Variants in MAN1A1 observed in about 807,000 individuals in gnomAD.
MAN1A1 encodes the protein mannosidase alpha class 1A member 1.
MAN1A1 carries 29 observed loss-of-function variants against 70.8 expected under a neutral mutation model. The observed-to-expected ratio is 0.41, with a 90% CI of 0.31 to 0.56. The LOEUF is 0.56. Ranked by LOEUF, MAN1A1 falls within the 20% of genes least tolerant of loss-of-function variation. The pLI is 0.29. For missense variants in MAN1A1, 747 were observed against 841.3 expected, an observed-to-expected ratio of 0.89 and a Z score of 1.39; for synonymous variants, 349 against 330.1, an observed-to-expected ratio of 1.06 and a Z score of -0.62.
intron 6 of MAN1A1, among the ~76,000 whole-genome samples, chr6:119,216,667 A>G (rs1201240628): frequency 1.3e-5 from 2 of 152,208 alleles, no homozygotes; most frequent in African/African-American, 4.8e-5. Context: ...AATTTGTTCA[A>G]TTTGAGGAAC....
intron 2 of MAN1A1, among the ~76,000 whole-genome samples, chr6:119,341,569 A>T (rs977269646): frequency 6.6e-6 from 1 of 152,132 alleles, no homozygotes; most frequent in Admixed American, 6.5e-5. Context: ...AATCCTAATA[A>T]ATCTAAATTC....
At position 119,189,653 on chromosome 6, in the gene MAN1A1, C is replaced by G; in HGVS notation, c.1546+11G>C. 6.2e-7 allele frequency: 1 copy of G among 1,612,260 alleles called. No homozygotes were observed. Among genetic ancestry groups the G allele is most frequent in the Non-Finnish European group, 8.5e-7 (1 of 1,178,408 alleles). On this transcript the variant is annotated intron_variant, in intron 10 of 12. Coordinates refer to ENST00000368468, the MANE Select transcript of MAN1A1 (RefSeq NM_005907.4). Reference sequence around the variant, plus strand: ...GGAATAGACCATAAATGAAGAATAACATGTACTCACATGTTCGATTATATG... The same window carrying G: ...GGAATAGACCATAAATGAAGAATAAGATGTACTCACATGTTCGATTATATG...
chr6:119,236,133 TA>T (rs367861780), intron 6 of MAN1A1, among the ~76,000 whole-genome samples: 4,067 of 136,912 alleles, frequency 0.03, 80 homozygotes, highest in Non-Finnish European at 0.046. Context: ...AGACTCCGTC[TA>T]AAAAAAAAAA....
At chr6:119,187,879 T>C (rs1484943808) in intron 11 of MAN1A1, among the ~76,000 whole-genome samples, 1 of 152,278 alleles carries the variant, frequency 6.6e-6, no homozygotes, top group East Asian at 1.9e-4. Flanking sequence ...AACAACACAC[T>C]GGGCAGATGG....
intron 11 of MAN1A1, among the ~76,000 whole-genome samples, chr6:119,185,830 A>G (rs2005984): frequency 3.4e-5 from 5 of 148,728 alleles, no homozygotes; most frequent in East Asian, 2.0e-4. Context: ...TGATCCACCC[A>G]CTTTGGCCTC....
intron 7 of MAN1A1, among the ~76,000 whole-genome samples, chr6:119,204,182 CTCACTGG>C (rs1773795932): frequency 6.6e-6 from 1 of 152,142 alleles, no homozygotes; most frequent in South Asian, 2.1e-4. Flanking sequence ...CACTGTTGTG[CTCACTGG>C]TCACTGTGAC....
chr6:119,297,086 T>C (rs1355729961), intron 4 of MAN1A1, among the ~76,000 whole-genome samples: 3 of 152,236 alleles, frequency 2.0e-5, no homozygotes, highest in Non-Finnish European at 4.4e-5. Context: ...AATAATGTTT[T>C]AAGTGCCAGT....
intron 6 of MAN1A1, among the ~76,000 whole-genome samples, chr6:119,233,884 CA>C (rs1253195336): frequency 6.6e-6 from 1 of 152,184 alleles, no homozygotes; most frequent in Admixed American, 6.5e-5. Context: ...TTTTAAAATC[CA>C]AAACCTTTGC....
intron 6 of MAN1A1, among the ~76,000 whole-genome samples, chr6:119,239,696 T>G (rs952404212): frequency 3.9e-5 from 6 of 152,204 alleles, no homozygotes; most frequent in African/African-American, 1.4e-4. Context: ...ATTTGAAAGG[T>G]TTGTCCCACA....
chr6:119,229,475 A>G (rs1774615021), intron 6 of MAN1A1, among the ~76,000 whole-genome samples: 1 of 152,184 alleles, frequency 6.6e-6, no homozygotes. Context: ...TTTCATGGAC[A>G]TAATATTCTG....
rs1772338440 is a variant in MAN1A1, at chr6:119,299,851, T to TA, written c.816+2136dup. Among the ~76,000 whole-genome samples the TA allele has an allele frequency of 2.0e-5, 3 of 152,278 alleles. No individual in the cohort carries two copies. The South Asian group carries it at 6.2e-4, about 32-fold the overall frequency. On this transcript the variant is annotated intron_variant, in intron 4 of 12. Coordinates refer to ENST00000368468, the MANE Select transcript of MAN1A1 (RefSeq NM_005907.4). ...ACATCTTGTCTGTTACCTTTGCACT[T>TA]AGTCATTTTAAATAAAACTGCTCCT... is the stretch of plus-strand genomic sequence containing the variant.
At chr6:119,300,454 C>T (rs568607084) in intron 4 of MAN1A1, among the ~76,000 whole-genome samples, 2 of 152,088 alleles carry the variant, frequency 1.3e-5, no homozygotes, top group African/African-American at 4.8e-5. Flanking sequence ...CGGGGTTTCA[C>T]CATGTTGGCC....
At chr6:119,186,652 A>C (rs1193451903) in intron 11 of MAN1A1, among the ~76,000 whole-genome samples, 2 of 152,136 alleles carry the variant, frequency 1.3e-5, no homozygotes, top group Non-Finnish European at 2.9e-5. Flanking sequence ...AAGCTCTTCC[A>C]CCTTCTTTTC....
rs1017770704 is a variant in MAN1A1 at position 119,349,659 on chromosome 6, C to G, written c.-340G>C. 1.0e-6 allele frequency: 1 copy of G among 985,720 alleles called. No individual in the cohort carries two copies. The highest frequency in any genetic ancestry group is 1.2e-6 in the Non-Finnish European group (1 of 830,012). 61.1% of individuals were successfully genotyped at this position (985,720 alleles called of 1,614,324 possible). A position where few individuals can be genotyped will look rare whatever the true frequency, so the allele number is the denominator to read the frequency against. On this transcript the variant is annotated 5_prime_UTR_variant, in exon 1 of 13. Transcript: ENST00000368468. The stretch of plus-strand genomic sequence containing the variant: ...TGGGCTGAGCGCGCTGTCCCACGGT[C>G]CCGCAGCCCCGGCGCGGCTCAGGTG...
Position 119,349,100 on chromosome 6 carries a change from C to A in MAN1A1, c.-35G>T. 1 of 1,264,992 alleles carries A rather than the reference C, an allele frequency of 7.9e-7. No homozygotes were observed. Among genetic ancestry groups the A allele is most frequent in the Non-Finnish European group, 9.9e-7 (1 of 1,005,740 alleles). 78.4% of individuals were successfully genotyped at this position (1,264,992 alleles called of 1,614,324 possible). ...TGTCCAGTGGTCCGGCGCCGCGCCG[C>A]TCAGCAGCCAAACTTCGCCGCCGCT... On this transcript the variant is annotated 5_prime_UTR_variant, in exon 2 of 13. Coordinates refer to ENST00000368468, the MANE Select transcript of MAN1A1 (RefSeq NM_005907.4).
Sources: gnomAD v4.1 joint callset for allele counts (sites outside exome capture counted in the v4.1 genomes callset) on GRCh38, gnomAD v4.1.1 for gene constraint, MANE v1.5 for transcripts, NCBI Gene and HGNC (gene_info 2026-07-23, HGNC 2026-07-21) for gene names.